PATJ: variants seen among roughly 807,000 people sequenced by gnomAD.
PATJ encodes the protein inaD-like protein.
Under a neutral mutation model 224.9 loss-of-function variants are expected in PATJ, and 190 were observed. The observed-to-expected ratio is 0.84, with a 90% CI of 0.75 to 0.95. PATJ has a LOEUF of 0.95. PATJ is among the 40% of genes least tolerant of loss of function. The probability of loss-of-function intolerance (pLI) is 0.00; values close to 1 mark genes in which losing one functional copy is unlikely to be tolerated. For missense variants in PATJ, 2,121 were observed against 2,270.3 expected (o/e 0.93, Z 1.34); for synonymous variants, 769 against 820.3 (o/e 0.94, Z 1.07).
chr1:61,779,381 A>G (rs1570439343), intron 7 of PATJ, among the ~76,000 whole-genome samples: 1 of 152,212 alleles, frequency 6.6e-6, no homozygotes, highest in Non-Finnish European at 1.5e-5. Context: ...TTCTTGAGGC[A>G]GAATTTCTTC....
intron 27 of PATJ, among the ~76,000 whole-genome samples, chr1:61,951,727 A>G (rs997378646): frequency 6.6e-6 from 1 of 152,132 alleles, no homozygotes; most frequent in Non-Finnish European, 1.5e-5. Flanking sequence ...TTACTGAGAT[A>G]CAAATGAATC....
At chr1:61,892,120 T>C (rs1669689117) in intron 22 of PATJ, among the ~76,000 whole-genome samples, 1 of 152,232 alleles carries the variant, frequency 6.6e-6, no homozygotes. Flanking sequence ...AGAACATCTG[T>C]ACAAATAACC....
intron 31 of PATJ, among the ~76,000 whole-genome samples, chr1:62,064,167 G>C (rs906457226): frequency 6.6e-6 from 1 of 152,116 alleles, no homozygotes; most frequent in Non-Finnish European, 1.5e-5. Flanking sequence ...TTTGAGGTAC[G>C]TTCCTACAAT....
At chr1:62,136,015 ATTTTTTTTTTTTT>A (rs374594803) in intron 41 of PATJ, among the ~76,000 whole-genome samples, 3 of 63,880 alleles carry the variant, frequency 4.7e-5, no homozygotes, top group East Asian at 6.2e-4. Context: ...AGACCATTAG[ATTTTTTTTTTTTT>A]TTTTTTTTTT....
intron 10 of PATJ, among the ~76,000 whole-genome samples, chr1:61,796,068 C>T (rs770523040): frequency 1.8e-4 from 28 of 152,106 alleles, no homozygotes; most frequent in South Asian, 1.2e-3. Context: ...TTTATATATA[C>T]GCTTATATTA....
chr1:61,888,179 A>C (rs76500971), intron 22 of PATJ, among the ~76,000 whole-genome samples: 2,804 of 152,338 alleles, frequency 0.018, 88 homozygotes, highest in African/African-American at 0.063. Flanking sequence ...GGAAACGCAC[A>C]GTGATAAATA....
chr1:61,779,628 G>A (rs562058433), intron 7 of PATJ, among the ~76,000 whole-genome samples: 1 of 152,258 alleles, frequency 6.6e-6, no homozygotes, highest in South Asian at 2.1e-4. Context: ...TCAAGATAAT[G>A]AGCGTATTCA....
At chr1:62,011,076 C>T (rs1322814443) in intron 28 of PATJ, among the ~76,000 whole-genome samples, 1 of 152,210 alleles carries the variant, frequency 6.6e-6, no homozygotes, top group African/African-American at 2.4e-5. Flanking sequence ...AATGTTGTGG[C>T]TGATTCCAAC....
chr1:61,832,571 G>A (rs1319156580), intron 16 of PATJ, among the ~76,000 whole-genome samples: 1 of 152,112 alleles, frequency 6.6e-6, no homozygotes, highest in Non-Finnish European at 1.5e-5. Flanking sequence ...AGTTTCAAGA[G>A]AAACACACTC....
intron 17 of PATJ, among the ~76,000 whole-genome samples, chr1:61,846,995 T>A (rs1175696129): frequency 6.6e-6 from 1 of 152,238 alleles, no homozygotes; most frequent in Non-Finnish European, 1.5e-5. Flanking sequence ...AAAGGATAGT[T>A]GTATGATTTG....
intron 13 of PATJ, among the ~76,000 whole-genome samples, chr1:61,806,959 C>T (rs1653699908): frequency 6.6e-6 from 1 of 151,922 alleles, no homozygotes; most frequent in African/African-American, 2.4e-5. Context: ...TGAGACCAGC[C>T]TGGCCAACAT....
rs984496958 is a variant in PATJ, at chr1:62,144,817, CATT to C, written c.5272-3463_5272-3461del. On this transcript the variant is annotated intron_variant, in intron 41 of 43. Coordinates refer to ENST00000642238, the MANE Select transcript of PATJ (RefSeq NM_001350145.3). ...ATATAATTAGCAGAATACAAAGTGC[CATT>C]ATTCTACTATACCTTTGTTTTTGTT... Among the ~76,000 whole-genome samples the C allele has an allele frequency of 1.2e-4, 15 of 128,600 alleles. No homozygotes were observed. The East Asian group carries it at 4.9e-3, about 42-fold the overall frequency. 84.4% of individuals were successfully genotyped at this position (128,600 alleles called of 152,430 possible).
chr1:61,933,140 A>G (rs1191273771), intron 27 of PATJ, among the ~76,000 whole-genome samples: 1 of 152,204 alleles, frequency 6.6e-6, no homozygotes, highest in Non-Finnish European at 1.5e-5. Context: ...GAAACAATGT[A>G]CTGCATCAAT....
At chr1:61,981,882 G>C (rs547838085) in intron 27 of PATJ, among the ~76,000 whole-genome samples, 15 of 152,158 alleles carry the variant, frequency 9.9e-5, no homozygotes, top group Middle Eastern at 3.4e-3. Context: ...TGTTGGCCAG[G>C]CTGGTCTCAA....
At chr1:62,089,324 G>A (rs1403279553) in intron 33 of PATJ, among the ~76,000 whole-genome samples, 1 of 151,448 alleles carries the variant, frequency 6.6e-6, no homozygotes, top group African/African-American at 2.4e-5. Flanking sequence ...ATCACTTCCT[G>A]CAAGGAATGT....
chr1:62,121,360 T>G, intron 38 of PATJ, 65 bp downstream of exon 38: 1 of 991,998 alleles, frequency 1.0e-6, no homozygotes, highest in Non-Finnish European at 1.5e-6. Flanking sequence ...AAAAATGTGT[T>G]TTTTAAAAAC....
At chr1:62,009,356 AT>A (rs1558033429) in intron 28 of PATJ, among the ~76,000 whole-genome samples, 2 of 152,232 alleles carry the variant, frequency 1.3e-5, no homozygotes, top group South Asian at 4.1e-4. Flanking sequence ...TGTGAAAGTT[AT>A]GTTTATACTA....
intron 30 of PATJ, among the ~76,000 whole-genome samples, chr1:62,048,545 C>CAAAAAAAAAAAAAAAAAAAAAAAAAAA (rs773157635): frequency 1.5e-5 from 1 of 66,164 alleles, no homozygotes; most frequent in East Asian, 8.4e-4. Flanking sequence ...GACTCTGTCT[C>CAAAAAAAAAAAAAAAAAAAAAAAAAAA]AAAAAAAAAA....
At chr1:61,837,644 G>T (rs1660384507) in intron 17 of PATJ, among the ~76,000 whole-genome samples, 1 of 152,024 alleles carries the variant, frequency 6.6e-6, no homozygotes, top group Non-Finnish European at 1.5e-5. Flanking sequence ...ACAAAAATTA[G>T]CCAGGCGTGG....
Sources: allele counts gnomAD v4.1 joint callset (sites outside exome capture counted in the v4.1 genomes callset), GRCh38; gene constraint gnomAD v4.1.1; transcripts MANE v1.5; gene names NCBI Gene and HGNC (gene_info 2026-07-23, HGNC 2026-07-21).